The following FOXP2 variants were observed in gnomAD, a reference collection of about 807,000 sequenced individuals.
The protein encoded by FOXP2 is forkhead box protein P2.
FOXP2 carries 12 observed loss-of-function variants against 115.8 expected under a neutral mutation model. The ratio of observed to expected loss-of-function variants is 0.10; its 90% CI spans 0.07 to 0.17. The LOEUF (loss-of-function observed/expected upper bound fraction) is 0.17, where lower values mean the gene tolerates loss of function less well. Among genes scored for constraint, FOXP2 ranks in the 10% least tolerant of loss-of-function variants. The pLI, the probability that FOXP2 is intolerant of heterozygous loss-of-function variation, is 1.00. For missense variants in FOXP2, 629 were observed against 843.5 expected, an observed-to-expected ratio of 0.75 and a Z score of 3.15; for synonymous variants, 328 against 297.7, an observed-to-expected ratio of 1.10 and a Z score of -1.05.
intron 10 of FOXP2, among the ~76,000 whole-genome samples, chr7:114,656,090 A>G (rs913550690): frequency 1.1e-4 from 17 of 152,334 alleles, no homozygotes; most frequent in South Asian, 6.2e-4. Flanking sequence ...GGATAGCAGA[A>G]TAAGTTACCG....
chr7:114,114,073 A>G (rs1791341879), intron 1 of FOXP2, among the ~76,000 whole-genome samples: 1 of 151,932 alleles, frequency 6.6e-6, no homozygotes, highest in African/African-American at 2.4e-5. Context: ...ATAAAACAAA[A>G]ATGAAGGAAA....
intron 7 of FOXP2, among the ~76,000 whole-genome samples, 171 bp downstream of exon 7, chr7:114,642,794 ATATATATATATATATATAT>A (rs1404097630): frequency 2.8e-5 from 1 of 35,470 alleles, no homozygotes; most frequent in Admixed American, 2.8e-4. Flanking sequence ...ATATATATAT[ATATATATATATATATATAT>A]TTTTTTTTTT....
At chr7:114,289,242 A>G (rs1438994342) in intron 2 of FOXP2, among the ~76,000 whole-genome samples, 1 of 151,880 alleles carries the variant, frequency 6.6e-6, no homozygotes, top group Non-Finnish European at 1.5e-5. Context: ...CCCTTTGGCA[A>G]CCTTTTACTT....
chr7:114,089,725 G>T (rs1799505161), intron 1 of FOXP2, among the ~76,000 whole-genome samples: 1 of 151,778 alleles, frequency 6.6e-6, no homozygotes, highest in Non-Finnish European at 1.5e-5. Context: ...GTTGTATGTG[G>T]CACACCATAA....
intron 2 of FOXP2, chr7:114,297,100 AG>A: frequency 2.3e-6 from 1 of 442,380 alleles, no homozygotes; most frequent in South Asian, 1.8e-5. Flanking sequence ...GGGAGAGGGC[AG>A]GGCAGGGGGC....
intron 2 of FOXP2, among the ~76,000 whole-genome samples, chr7:114,336,328 A>G (rs867198683): frequency 1.2e-4 from 18 of 151,702 alleles, no homozygotes; most frequent in Middle Eastern, 3.4e-3. Context: ...CCAATTCCAA[A>G]TATTTATCTT....
chr7:114,182,738 G>A, intron 1 of FOXP2, among the ~76,000 whole-genome samples: 1 of 151,392 alleles, frequency 6.6e-6, no homozygotes, highest in South Asian at 2.1e-4. Context: ...ATACACAAAA[G>A]ATAATATGAT....
At chr7:114,428,958 C>T (rs1793989055) in intron 2 of FOXP2, among the ~76,000 whole-genome samples, 1 of 151,444 alleles carries the variant, frequency 6.6e-6, no homozygotes, top group Non-Finnish European at 1.5e-5. Context: ...TTATAATGAG[C>T]TAATCATTGT....
intron 8 of FOXP2, among the ~76,000 whole-genome samples, chr7:114,651,723 C>T (rs186694367): frequency 9.2e-5 from 14 of 152,104 alleles, no homozygotes; most frequent in Admixed American, 4.6e-4. Context: ...TGATTTTCCA[C>T]GGGAGATAAT....
intron 2 of FOXP2, among the ~76,000 whole-genome samples, chr7:114,370,774 T>G (rs1461959248): frequency 6.6e-6 from 1 of 152,206 alleles, no homozygotes; most frequent in Non-Finnish European, 1.5e-5. Flanking sequence ...AATATTTTTG[T>G]TTTTTTACAT....
intron 2 of FOXP2, among the ~76,000 whole-genome samples, chr7:114,441,001 A>G (rs1290166683): frequency 6.6e-6 from 1 of 152,228 alleles, no homozygotes; most frequent in Non-Finnish European, 1.5e-5. Context: ...AATATGGCAC[A>G]GCAAGATGCA....
intron 16 of FOXP2, among the ~76,000 whole-genome samples, chr7:114,687,901 A>G (rs1261954091): frequency 6.6e-6 from 1 of 152,124 alleles, no homozygotes; most frequent in Non-Finnish European, 1.5e-5. Flanking sequence ...TACATTAAGA[A>G]GTAACTCATG....
At position 114,629,840 on chromosome 7, in the gene FOXP2, G is replaced by A; in HGVS notation, c.432G>A (p.Glu144=). Residue 144 remains glutamate, a synonymous_variant, in exon 5 of 17, where the codon GAG becomes GAA. Transcript: ENST00000350908. The part of the protein sequence containing the change: ...QLQEFYKKQQ[E]QLHLQLLQQQ... ...AAGAGTTTTACAAGAAACAGCAAGAGCAGTTACATCTTCAGCTTTTGCAGC... is the reference window on the plus strand; with the variant it reads ...AAGAGTTTTACAAGAAACAGCAAGAACAGTTACATCTTCAGCTTTTGCAGC... 1 of 1,610,076 alleles carries A rather than the reference G, an allele frequency of 6.2e-7. No homozygotes were observed. The highest frequency in any genetic ancestry group is 8.5e-7 in the Non-Finnish European group (1 of 1,179,122).
intron 2 of FOXP2, among the ~76,000 whole-genome samples, chr7:114,387,226 A>T (rs1213355921): frequency 6.6e-6 from 1 of 152,210 alleles, no homozygotes; most frequent in Admixed American, 6.5e-5. Context: ...GGATTTTGAT[A>T]ACACCTGTAT....
At chr7:114,432,493 TA>T (rs1266162170) in intron 2 of FOXP2, among the ~76,000 whole-genome samples, 2 of 152,002 alleles carry the variant, frequency 1.3e-5, no homozygotes, top group Non-Finnish European at 2.9e-5. Context: ...ACTGTATAGG[TA>T]AAGTACTGTT....
chr7:114,657,959 A>T, intron 10 of FOXP2, 107 bp from the exon 11 acceptor site: 1 of 1,171,716 alleles, frequency 8.5e-7, no homozygotes, highest in Non-Finnish European at 1.3e-6. Context: ...GCAGCTTATT[A>T]GTGGCAACAC....
At chr7:114,165,248 C>A (rs920761492) in intron 1 of FOXP2, among the ~76,000 whole-genome samples, 4 of 152,074 alleles carry the variant, frequency 2.6e-5, no homozygotes, top group Admixed American at 2.0e-4. Context: ...TCTCACCTCT[C>A]CTATTCCACA....
intron 2 of FOXP2, among the ~76,000 whole-genome samples, chr7:114,439,821 G>A (rs998035876): frequency 3.3e-5 from 5 of 152,000 alleles, no homozygotes; most frequent in African/African-American, 7.3e-5. Context: ...AGATCTGCCC[G>A]CCTTGACCTC....
upstream of FOXP2, among the ~76,000 whole-genome samples, chr7:114,158,749 T>C (rs1792740780): frequency 6.6e-6 from 1 of 152,152 alleles, no homozygotes; most frequent in East Asian, 1.9e-4. Context: ...GGATTACAAA[T>C]GAGAGACCAG....
Sources: gnomAD v4.1 joint callset for allele counts (sites outside exome capture counted in the v4.1 genomes callset) on GRCh38, gnomAD v4.1.1 for gene constraint, MANE v1.5 for transcripts, NCBI Gene and HGNC (gene_info 2026-07-23, HGNC 2026-07-21) for gene names.